CTNNA3: variants seen among roughly 807,000 people sequenced by gnomAD.
CTNNA3 encodes the protein catenin alpha-3.
CTNNA3 carries 76 observed loss-of-function variants against 95.7 expected under a neutral mutation model. That is an observed-to-expected ratio of 0.79 (90% CI 0.66 to 0.96). CTNNA3 has a LOEUF of 0.96. Among genes scored for constraint, CTNNA3 ranks in the 40% least tolerant of loss-of-function variants. CTNNA3 has a pLI of 0.00. For missense variants in CTNNA3, 1,191 were observed against 1,089.8 expected, an observed-to-expected ratio of 1.09 and a Z score of -1.31; for synonymous variants, 431 against 374.4, an observed-to-expected ratio of 1.15 and a Z score of -1.74.
intron 7 of CTNNA3, among the ~76,000 whole-genome samples, chr10:67,025,267 T>C (rs1564839458): frequency 6.6e-6 from 1 of 152,000 alleles, no homozygotes; most frequent in Non-Finnish European, 1.5e-5. Context: ...GTTAACTAAA[T>C]TCTGGTATAT....
chr10:67,646,317 T>C (rs113113150), intron 2 of CTNNA3, among the ~76,000 whole-genome samples: 99 of 151,728 alleles, frequency 6.5e-4, no homozygotes, highest in African/African-American at 2.2e-3. Flanking sequence ...GCACCCAGCC[T>C]TTTTTCTTTT....
chr10:66,315,663 A>G (rs1011712866), intron 12 of CTNNA3, among the ~76,000 whole-genome samples: 1 of 152,120 alleles, frequency 6.6e-6, no homozygotes, highest in African/African-American at 2.4e-5. Context: ...GCCAGATGTT[A>G]CAGAGAAGGA....
intron 7 of CTNNA3, among the ~76,000 whole-genome samples, chr10:67,126,624 T>C (rs1859733882): frequency 6.6e-6 from 1 of 152,226 alleles, no homozygotes; most frequent in African/African-American, 2.4e-5. Context: ...AAAATCTTCA[T>C]GCCAGCACTT....
At chr10:65,986,217 C>T (rs1303580609) in intron 16 of CTNNA3, among the ~76,000 whole-genome samples, 2 of 150,892 alleles carry the variant, frequency 1.3e-5, no homozygotes, top group Non-Finnish European at 3.0e-5. Flanking sequence ...CATTGTATGC[C>T]TGTATCAAAA....
At chr10:66,371,388 T>C (rs1238372804) in intron 12 of CTNNA3, among the ~76,000 whole-genome samples, 1 of 152,160 alleles carries the variant, frequency 6.6e-6, no homozygotes, top group African/African-American at 2.4e-5. Context: ...TGGCATGTCT[T>C]CCCTGGAATG....
At chr10:66,249,481 T>G (rs931663943) in intron 13 of CTNNA3, among the ~76,000 whole-genome samples, 1 of 152,154 alleles carries the variant, frequency 6.6e-6, no homozygotes, top group Non-Finnish European at 1.5e-5. Flanking sequence ...TAAACATTTC[T>G]CAAAAGAAGA....
intron 5 of CTNNA3, among the ~76,000 whole-genome samples, chr10:67,518,209 T>C (rs1464441665): frequency 6.6e-6 from 1 of 152,156 alleles, no homozygotes; most frequent in African/African-American, 2.4e-5. Flanking sequence ...TCAATGAGTA[T>C]ATCATCAATC....
intron 5 of CTNNA3, among the ~76,000 whole-genome samples, chr10:67,277,898 A>ATT (rs1196538782): frequency 4.6e-5 from 7 of 152,282 alleles, no homozygotes; most frequent in Admixed American, 1.3e-4. Flanking sequence ...CAGAAAACTT[A>ATT]TGAATAATCC....
chr10:66,301,377 T>C (rs2091861029), intron 12 of CTNNA3, among the ~76,000 whole-genome samples: 1 of 151,874 alleles, frequency 6.6e-6, no homozygotes, highest in Non-Finnish European at 1.5e-5. Context: ...GAAAGGAAAA[T>C]TACAGATCAA....
At chr10:66,292,202 C>T (rs2091694609) in intron 12 of CTNNA3, among the ~76,000 whole-genome samples, 2 of 152,026 alleles carry the variant, frequency 1.3e-5, no homozygotes, top group Non-Finnish European at 2.9e-5. Flanking sequence ...GTATCTCCCA[C>T]TCTCCATGTT....
intron 11 of CTNNA3, among the ~76,000 whole-genome samples, chr10:66,487,741 C>A (rs1839790303): frequency 1.3e-5 from 2 of 152,122 alleles, no homozygotes; most frequent in African/African-American, 4.8e-5. Flanking sequence ...TTGCAATCTC[C>A]TGCCAACAGT....
At chr10:67,244,033 T>C (rs1332352140) in intron 5 of CTNNA3, among the ~76,000 whole-genome samples, 5 of 152,202 alleles carry the variant, frequency 3.3e-5, no homozygotes, top group Admixed American at 6.6e-5. Flanking sequence ...ACCTTGAGGG[T>C]CACTGCCATA....
intron 12 of CTNNA3, among the ~76,000 whole-genome samples, chr10:66,340,149 T>C (rs192764197): frequency 1.3e-5 from 2 of 151,982 alleles, no homozygotes; most frequent in East Asian, 1.9e-4. Flanking sequence ...CCTGTCACCA[T>C]ATACTCAAGA....
At chr10:66,417,185 T>G (rs7086056) in intron 11 of CTNNA3, among the ~76,000 whole-genome samples, 58,041 of 151,696 alleles carry the variant, frequency 0.38, 11,662 homozygotes, top group African/African-American at 0.5. Flanking sequence ...TGAGAGTAAA[T>G]AAATAGAAAA....
In CTNNA3 at chr10:66,346,248, G is replaced by T. The variant is rs981028425; in HGVS notation, c.1732+32904C>A. Among the ~76,000 whole-genome samples the T allele has an allele frequency of 5.2e-3, 129 of 24,828 alleles. 1 individual carries two copies. Among genetic ancestry groups the T allele is most frequent in the Middle Eastern group, 0.021 (1 of 48 alleles). The allele number at this position is 24,828 out of a possible 152,430, so 16.3% of individuals were successfully genotyped here. On this transcript the variant is annotated intron_variant, in intron 12 of 17. Coordinates refer to ENST00000433211, the MANE Select transcript of CTNNA3 (RefSeq NM_013266.4). ...ATATATATATATATATATATATATA[G>T]AGAGAGAGAGAGAGAGAGAGAGAGA...
rs7903680 is a variant in CTNNA3 at position 66,935,320 on chromosome 10, T to C, written c.1048-159796A>G. Among the ~76,000 whole-genome samples, 960 of 152,000 alleles carry C rather than the reference T, an allele frequency of 6.3e-3. 9 individuals are homozygous for C. The highest frequency in any genetic ancestry group is 0.022 in the African/African-American group (898 of 41,480). ...CCTCTCTAAGGTACAACAGTGAAAA[T>C]AGTTATAACGGTGAAAACTCTAGGA... On this transcript the variant is annotated intron_variant, in intron 7 of 17. Coordinates refer to ENST00000433211, the MANE Select transcript of CTNNA3 (RefSeq NM_013266.4).
chr10:66,599,509 C>T (rs74143430), intron 10 of CTNNA3, among the ~76,000 whole-genome samples: 2,766 of 152,010 alleles, frequency 0.018, 70 homozygotes, highest in African/African-American at 0.057. Context: ...TCCCAGAACT[C>T]CTATACTTTG....
chr10:66,798,156 A>G (rs1841285502), intron 7 of CTNNA3, among the ~76,000 whole-genome samples: 2 of 151,842 alleles, frequency 1.3e-5, no homozygotes, highest in South Asian at 4.1e-4. Flanking sequence ...AATTCAATGA[A>G]GATCAAAAGC....
intron 9 of CTNNA3, among the ~76,000 whole-genome samples, chr10:66,694,961 A>T (rs1394668124): frequency 6.6e-6 from 1 of 152,098 alleles, no homozygotes; most frequent in Non-Finnish European, 1.5e-5. Context: ...TCAGTATAAG[A>T]TTTCTTCATT....
Sources: gnomAD v4.1 joint callset for allele counts (sites outside exome capture counted in the v4.1 genomes callset) on GRCh38, gnomAD v4.1.1 for gene constraint, MANE v1.5 for transcripts, NCBI Gene and HGNC (gene_info 2026-07-23, HGNC 2026-07-21) for gene names.